The following TENM1 variants were observed in gnomAD, a reference collection of about 807,000 sequenced individuals.
The protein encoded by TENM1 is teneurin transmembrane protein 1, also known as teneurin-1.
Under a neutral mutation model 174.8 loss-of-function variants are expected in TENM1, and 35 were observed. That is an observed-to-expected ratio of 0.20 (90% CI 0.15 to 0.27). The LOEUF is 0.27. Among genes scored for constraint, TENM1 ranks in the 10% least tolerant of loss-of-function variants. The pLI is 1.00. For synonymous variants in TENM1, 781 were observed against 798.7 expected, an observed-to-expected ratio of 0.98 and a Z score of 0.37; for missense variants, 1,633 against 2,130.1, an observed-to-expected ratio of 0.77 and a Z score of 4.59.
chrX:124,952,517 T>C (rs2058506613), intron 1 of TENM1, among the ~76,000 whole-genome samples: 2 of 111,636 alleles, frequency 1.8e-5, no homozygotes, highest in Admixed American at 1.9e-4. Context: ...TTTTTGACCA[T>C]ATTTATTGAA....
intron 6 of TENM1, among the ~76,000 whole-genome samples, chrX:124,664,532 G>GAAAAAAAA (rs779501054): frequency 9.9e-4 from 29 of 29,270 alleles, no homozygotes; most frequent in Non-Finnish European, 1.2e-3. Flanking sequence ...TAAAGCAAAA[G>GAAAAAAAA]AAAAAAAAAA....
intron 4 of TENM1, among the ~76,000 whole-genome samples, chrX:124,736,537 A>G (rs892072420): frequency 9.0e-6 from 1 of 111,667 alleles, no homozygotes; most frequent in African/African-American, 3.3e-5. Context: ...GAATCTTACA[A>G]TAAATAAAAT....
intron 25 of TENM1, among the ~76,000 whole-genome samples, 197 bp downstream of exon 28, chrX:124,420,114 C>T (rs1027693781): frequency 8.9e-6 from 1 of 111,861 alleles, no homozygotes; most frequent in African/African-American, 3.3e-5. Context: ...TTATTATGCT[C>T]TGCAAACTGC....
chrX:124,951,348 T>G (rs2058480382), intron 1 of TENM1, among the ~76,000 whole-genome samples: 1 of 110,961 alleles, frequency 9.0e-6, no homozygotes, highest in South Asian at 3.8e-4. Context: ...TATAGTCTAG[T>G]GCAATGAAAG....
intron 14 of TENM1, among the ~76,000 whole-genome samples, chrX:124,549,729 C>T (rs751720947): frequency 4.0e-4 from 44 of 110,492 alleles, no homozygotes; most frequent in Non-Finnish European, 4.7e-4. Flanking sequence ...TCAGGCAAGC[C>T]GATCAATAAT....
chrX:124,565,720 T>A (rs1399009358), intron 11 of TENM1, among the ~76,000 whole-genome samples, 160 bp from the exon 15 acceptor site: 2 of 111,713 alleles, frequency 1.8e-5, no homozygotes, highest in African/African-American at 6.5e-5. Context: ...ACCAGGCTGG[T>A]CTTGAACTTC....
At chrX:124,437,108 T>C (rs2060849608) in intron 23 of TENM1, among the ~76,000 whole-genome samples, 1 of 78,505 alleles carries the variant, frequency 1.3e-5, no homozygotes, top group East Asian at 4.0e-4. Context: ...CGGCTAATTT[T>C]TTTTTTTTTT....
intron 4 of TENM1, among the ~76,000 whole-genome samples, chrX:124,725,909 T>A (rs2053432431): frequency 8.9e-6 from 1 of 112,638 alleles, no homozygotes; most frequent in Non-Finnish European, 1.9e-5. Context: ...TATGATTCAC[T>A]GGATAAGTAA....
chrX:124,980,686 G>A, the TENM1 span, among the ~76,000 whole-genome samples: 1 of 110,750 alleles, frequency 9.0e-6, no homozygotes, highest in Non-Finnish European at 1.9e-5. Context: ...ATAGGAAGAA[G>A]GGGTTAACTT....
intron 11 of TENM1, among the ~76,000 whole-genome samples, chrX:124,594,333 A>C (rs1387941679): frequency 8.9e-6 from 1 of 111,963 alleles, no homozygotes; most frequent in South Asian, 3.7e-4. Context: ...ACTTAAAAAA[A>C]ATCTTCTCAT....
chrX:124,631,695 C>T (rs1326138883), intron 11 of TENM1, among the ~76,000 whole-genome samples: 9 of 107,768 alleles, frequency 8.4e-5, no homozygotes, highest in Non-Finnish European at 1.5e-4. Context: ...GTCAGGAGTT[C>T]GAGACCAGTC....
chrX:124,933,428 G>A (rs918445823), intron 1 of TENM1, among the ~76,000 whole-genome samples: 7 of 112,268 alleles, frequency 6.2e-5, no homozygotes, highest in African/African-American at 1.9e-4. Context: ...TTTATCAAGA[G>A]TGATTAGAAC....
chrX:125,007,880 A>G, the TENM1 span, among the ~76,000 whole-genome samples: 2 of 111,869 alleles, frequency 1.8e-5, no homozygotes, highest in African/African-American at 6.5e-5. Context: ...TCCTGAAGGA[A>G]GCACTAAATA....
At chrX:124,444,536 T>C (rs1430612596) in intron 23 of TENM1, among the ~76,000 whole-genome samples, 3 of 112,048 alleles carry the variant, frequency 2.7e-5, no homozygotes, top group African/African-American at 9.7e-5. Flanking sequence ...GAAGTAAGCT[T>C]GAATAAAGAA....
At chrX:124,763,545 T>C (rs556647568) in intron 3 of TENM1, among the ~76,000 whole-genome samples, 39 of 111,054 alleles carry the variant, frequency 3.5e-4, no homozygotes, top group African/African-American at 1.2e-3. Flanking sequence ...TGGTGAGACA[T>C]GAGGTTCTTT....
chrX:124,793,752 G>A (rs1469046116), intron 3 of TENM1, among the ~76,000 whole-genome samples: 1 of 110,771 alleles, frequency 9.0e-6, no homozygotes, highest in Admixed American at 9.7e-5. Flanking sequence ...ATCAGTGCTT[G>A]GCATACAGTA....
chrX:124,453,148 C>T (rs1396450349), intron 23 of TENM1, among the ~76,000 whole-genome samples, 189 bp downstream of exon 26: 1 of 111,990 alleles, frequency 8.9e-6, no homozygotes, highest in Non-Finnish European at 1.9e-5. Flanking sequence ...TCCATCCTCG[C>T]TTACCATTTT....
At chrX:125,156,867 G>C in the TENM1 span, among the ~76,000 whole-genome samples, 1 of 112,518 alleles carries the variant, frequency 8.9e-6, no homozygotes, top group Non-Finnish European at 1.9e-5. Context: ...GTTTTTGAAT[G>C]CCTGGATAAC....
chrX:124,902,703 C>A (rs2057682807), intron 1 of TENM1, among the ~76,000 whole-genome samples: 1 of 112,568 alleles, frequency 8.9e-6, no homozygotes, highest in Non-Finnish European at 1.9e-5. Flanking sequence ...CAAATCAGTT[C>A]AAGTAAATTT....
Sources: gnomAD v4.1 joint callset for allele counts (sites outside exome capture counted in the v4.1 genomes callset) on GRCh38, gnomAD v4.1.1 for gene constraint, MANE v1.5 for transcripts, NCBI Gene and HGNC (gene_info 2026-07-23, HGNC 2026-07-21) for gene names.